Variants in CPD observed in about 807,000 individuals in gnomAD.
CPD encodes carboxypeptidase D.
Under a neutral mutation model 138.3 loss-of-function variants are expected in CPD, and 69 were observed. The observed-to-expected ratio is 0.50, with a 90% CI of 0.41 to 0.61. The LOEUF (loss-of-function observed/expected upper bound fraction) is 0.61, where lower values mean the gene tolerates loss of function less well. Among genes scored for constraint, CPD ranks in the 20% least tolerant of loss-of-function variants. The pLI, the probability that CPD is intolerant of heterozygous loss-of-function variation, is 0.00. For missense variants in CPD, 1,432 were observed against 1,733.3 expected (o/e 0.83, Z 3.09); for synonymous variants, 651 against 642.1 (o/e 1.01, Z -0.21).
chr17:30,416,828 C>T (rs952323331), intron 2 of CPD, among the ~76,000 whole-genome samples: 2 of 152,020 alleles, frequency 1.3e-5, no homozygotes, highest in African/African-American at 2.4e-5. Context: ...CTAGGCCGGG[C>T]GCGGTGGCTC....
At chr17:30,434,894 AAAAATAAAGAGG>A (rs1167734627) in intron 8 of CPD, among the ~76,000 whole-genome samples, 1 of 152,134 alleles carries the variant, frequency 6.6e-6, no homozygotes, top group East Asian at 1.9e-4. Context: ...CCAATATCAT[AAAAATAAAGAGG>A]AAAATAAAGT....
At chr17:30,383,316 T>C (rs12950140) in intron 1 of CPD, among the ~76,000 whole-genome samples, 2,254 of 152,312 alleles carry the variant, frequency 0.015, 30 homozygotes, top group South Asian at 0.025. Flanking sequence ...TTAATTTTCA[T>C]GACAACTCTG....
chr17:30,422,134 A>G (rs1280765315), intron 4 of CPD, among the ~76,000 whole-genome samples: 1 of 152,196 alleles, frequency 6.6e-6, no homozygotes, highest in Non-Finnish European at 1.5e-5. Context: ...ACCAGAGTAG[A>G]AGAAACCCAT....
chr17:30,386,401 G>GT (rs763168644), intron 2 of CPD, among the ~76,000 whole-genome samples: 15 of 151,666 alleles, frequency 9.9e-5, no homozygotes, highest in African/African-American at 2.7e-4. Flanking sequence ...ATGGAATGCT[G>GT]TTTTTTTTAT....
At chr17:30,420,734 GAA>G in intron 2 of CPD, 105 bp from the exon 3 acceptor site, 1 of 1,046,224 alleles carries the variant, frequency 9.6e-7, no homozygotes, top group African/African-American at 1.6e-5. Context: ...TTAATGAAAA[GAA>G]AAGAAAATTT....
chr17:30,432,924 A>G (rs1053705934), intron 8 of CPD, among the ~76,000 whole-genome samples: 3 of 152,162 alleles, frequency 2.0e-5, no homozygotes, highest in Non-Finnish European at 4.4e-5. Flanking sequence ...GTCTCAAAAA[A>G]ATAAAAATTG....
At chr17:30,448,884 T>C (rs1913094484) in intron 12 of CPD, among the ~76,000 whole-genome samples, 1 of 152,060 alleles carries the variant, frequency 6.6e-6, no homozygotes, top group South Asian at 2.1e-4. Flanking sequence ...GGAGGATTGC[T>C]TGAGGCCAGA....
intron 9 of CPD, 68 bp downstream of exon 9, chr17:30,439,145 T>G: frequency 1.2e-6 from 1 of 803,066 alleles, no homozygotes; most frequent in South Asian, 1.7e-5. Context: ...TGGTGCTTCT[T>G]GTTATTATCT....
chr17:30,434,081 A>G (rs1434203959), intron 8 of CPD, among the ~76,000 whole-genome samples: 1 of 152,140 alleles, frequency 6.6e-6, no homozygotes, highest in Admixed American at 6.5e-5. Context: ...TACCATTCAA[A>G]GTTTCTTTAT....
chr17:30,448,432 A>G (rs1913082624), intron 12 of CPD, among the ~76,000 whole-genome samples: 1 of 152,182 alleles, frequency 6.6e-6, no homozygotes, highest in South Asian at 2.1e-4. Flanking sequence ...TAACCTCCTA[A>G]TTCAAGACAC....
intron 2 of CPD, among the ~76,000 whole-genome samples, chr17:30,401,327 T>TTCCTCTTCCTCTTCTTCC (rs1232473691): frequency 1.7e-4 from 26 of 151,040 alleles, no homozygotes; most frequent in Middle Eastern, 3.4e-3. Context: ...CCTCCTCTTC[T>TTCCTCTTCCTCTTCTTCC]TCCTCTTCCT....
At position 30,430,400 on chromosome 17, in the gene CPD, G is replaced by A. The variant is rs556641332; in HGVS notation, c.2018-1372G>A. ...GGAATCCTATAACATGTGACCTTTCGTGTCTGGCTTCTTTCATTTAGCATA... is the reference window on the plus strand; with the variant it reads ...GGAATCCTATAACATGTGACCTTTCATGTCTGGCTTCTTTCATTTAGCATA... On this transcript the variant is annotated intron_variant, in intron 7 of 20. Coordinates refer to ENST00000225719, the MANE Select transcript of CPD (RefSeq NM_001304.5). 4.8e-4 allele frequency among the ~76,000 whole-genome samples: 73 copies of A among 152,084 alleles called. 1 individual carries two copies. The highest frequency in any genetic ancestry group is 1.6e-3 in the African/African-American group (66 of 41,464).
intron 12 of CPD, among the ~76,000 whole-genome samples, chr17:30,446,781 C>T (rs1394354237): frequency 1.3e-5 from 2 of 152,210 alleles, no homozygotes; most frequent in African/African-American, 4.8e-5. Context: ...AACTAGTTTA[C>T]AGTCCCACCA....
rs750578131 is a variant in CPD, at chr17:30,444,005, G to A, written c.2543+34G>A. ...CTGAATGCTTTGAAATAGAGTGCTC[G>A]GAGGACAAACATGGCTCCATTCTGG... On this transcript the variant is annotated intron_variant, in intron 11 of 20. Transcript: ENST00000225719. 1.3e-5 allele frequency: 21 copies of A among 1,605,750 alleles called. No individual in the cohort carries two copies. The East Asian group carries it at 1.6e-4, about 12-fold the overall frequency.
chr17:30,444,901 G>C (rs2143473796), intron 11 of CPD, among the ~76,000 whole-genome samples: 1 of 152,044 alleles, frequency 6.6e-6, no homozygotes, highest in Non-Finnish European at 1.5e-5. Context: ...GATATCTAGT[G>C]GTCCGTAAAT....
intron 2 of CPD, among the ~76,000 whole-genome samples, chr17:30,419,989 C>A (rs1186394171): frequency 6.6e-6 from 1 of 152,152 alleles, no homozygotes; most frequent in Non-Finnish European, 1.5e-5. Flanking sequence ...TTGTACTTTC[C>A]AAGAGCAAGG....
chr17:30,422,442 A>G (rs554240075), intron 4 of CPD, among the ~76,000 whole-genome samples: 1 of 152,310 alleles, frequency 6.6e-6, no homozygotes. Context: ...TTTGGTATAC[A>G]TTCTAGTGTG....
rs943491114 is a variant in CPD, at chr17:30,467,788, CTTG to C, written c.*2981_*2983del. 2.0e-5 allele frequency: 3 copies of C among 152,092 alleles called. No homozygotes were observed. The highest frequency in any genetic ancestry group is 2.0e-4 in the Admixed American group (3 of 15,254). 9.4% of individuals were successfully genotyped at this position (152,092 alleles called of 1,614,324 possible). On this transcript the variant is annotated 3_prime_UTR_variant, in exon 21 of 21. Transcript: ENST00000225719. ...TATTCTCAACATTAAATAGTTTTAT[CTTG>C]TTGTTGCCAGAAATGCACTTGTGCC... is the stretch of plus-strand genomic sequence containing the variant.
intron 9 of CPD, 56 bp downstream of exon 9, chr17:30,439,133 G>A: frequency 3.2e-6 from 3 of 923,892 alleles, no homozygotes; most frequent in Non-Finnish European, 5.1e-6. Flanking sequence ...TGCTTTCCTA[G>A]ATGGTGCTTC....
Sources: gnomAD v4.1 joint callset for allele counts (sites outside exome capture counted in the v4.1 genomes callset) on GRCh38, gnomAD v4.1.1 for gene constraint, MANE v1.5 for transcripts, NCBI Gene and HGNC (gene_info 2026-07-23, HGNC 2026-07-21) for gene names.